The following MMP16 variants were observed in gnomAD, a reference collection of about 807,000 sequenced individuals.
The protein encoded by MMP16 is matrix metalloproteinase-16.
A neutral mutation model predicts 67.8 loss-of-function variants in MMP16; 12 were observed. The observed-to-expected ratio is 0.18, with a 90% confidence interval of 0.11 to 0.29. The LOEUF (loss-of-function observed/expected upper bound fraction) is 0.29. MMP16 is among the 10% of genes least tolerant of loss of function. The pLI, the probability that MMP16 is intolerant of heterozygous loss-of-function variation, is 1.00. For missense variants in MMP16, 475 were observed against 765.7 expected, an observed-to-expected ratio of 0.62 and a Z score of 4.48; for synonymous variants, 249 against 255.9, an observed-to-expected ratio of 0.97 and a Z score of 0.26.
chr8:88,293,865 G>T (rs574989030), intron 1 of MMP16, among the ~76,000 whole-genome samples: 1 of 152,136 alleles, frequency 6.6e-6, no homozygotes, highest in East Asian at 1.9e-4. Context: ...AATCCTATGA[G>T]CCAATGTTTC....
At chr8:88,325,814 T>C (rs1340804844) in intron 1 of MMP16, among the ~76,000 whole-genome samples, 1 of 152,244 alleles carries the variant, frequency 6.6e-6, no homozygotes, top group Non-Finnish European at 1.5e-5. Flanking sequence ...CTCTTACTTT[T>C]TCAAATACTT....
At chr8:88,255,152 C>T (rs898058157) in intron 1 of MMP16, among the ~76,000 whole-genome samples, 2 of 152,158 alleles carry the variant, frequency 1.3e-5, no homozygotes, top group African/African-American at 4.8e-5. Context: ...GGATGGACCC[C>T]TCATGAATGT....
At chr8:88,074,889 T>C in intron 6 of MMP16, 146 bp from the exon 7 acceptor site, 1 of 1,053,756 alleles carries the variant, frequency 9.5e-7, no homozygotes, top group Non-Finnish European at 1.4e-6. Context: ...CTAAACAACT[T>C]GACCGCAATG....
At chr8:88,178,226 A>G (rs1188144813) in intron 3 of MMP16, among the ~76,000 whole-genome samples, 1 of 152,226 alleles carries the variant, frequency 6.6e-6, no homozygotes, top group Admixed American at 6.5e-5. Flanking sequence ...TAAAGCAAGC[A>G]ACAGAACCAG....
chr8:88,237,787 A>ACG (rs1390191921), intron 1 of MMP16, among the ~76,000 whole-genome samples: 1 of 152,236 alleles, frequency 6.6e-6, no homozygotes, highest in Non-Finnish European at 1.5e-5. Context: ...TTTTGTTCTC[A>ACG]AAGACTGAAA....
chr8:88,111,745 A>T (rs1387851022), intron 6 of MMP16, among the ~76,000 whole-genome samples: 4 of 151,748 alleles, frequency 2.6e-5, no homozygotes, highest in Non-Finnish European at 5.9e-5. Context: ...AAAAAAACCA[A>T]TCTGGGGGAT....
At chr8:88,285,547 T>G (rs778564518) in intron 1 of MMP16, among the ~76,000 whole-genome samples, 3 of 152,186 alleles carry the variant, frequency 2.0e-5, no homozygotes, top group Admixed American at 1.3e-4. Flanking sequence ...ACACTCACTA[T>G]AAAAGATGAG....
intron 4 of MMP16, among the ~76,000 whole-genome samples, chr8:88,162,561 T>A (rs558954388): frequency 1.1e-4 from 17 of 152,064 alleles, no homozygotes; most frequent in Non-Finnish European, 2.2e-4. Context: ...CGAGGATAGA[T>A]GAATTTAGAC....
chr8:88,161,460 G>C (rs1163154335), intron 4 of MMP16, among the ~76,000 whole-genome samples: 2 of 151,664 alleles, frequency 1.3e-5, no homozygotes, highest in African/African-American at 4.8e-5. Context: ...TTAGTCTCTT[G>C]CTAGCAGTCT....
intron 1 of MMP16, among the ~76,000 whole-genome samples, chr8:88,206,397 C>T (rs1809427448): frequency 6.6e-6 from 1 of 152,100 alleles, no homozygotes; most frequent in Non-Finnish European, 1.5e-5. Flanking sequence ...ATGTTCTCCC[C>T]ATGTTTGTGT....
intron 6 of MMP16, among the ~76,000 whole-genome samples, chr8:88,100,229 A>G (rs1331104677): frequency 6.6e-6 from 1 of 151,848 alleles, no homozygotes; most frequent in East Asian, 1.9e-4. Flanking sequence ...TAGGTCTAAC[A>G]TTTAAGTCTT....
At position 88,039,721 on chromosome 8, in the gene MMP16, A is replaced by G. The variant is rs1177154663; in HGVS notation, c.*1740T>C. The G allele has an allele frequency of 6.6e-6, 1 of 152,644 alleles. No homozygotes were observed. Among genetic ancestry groups the G allele is most frequent in the Non-Finnish European group, 1.5e-5 (1 of 68,046 alleles). 9.5% of individuals were successfully genotyped at this position (152,644 alleles called of 1,614,324 possible). ...GGTGCATTCATTCTGACCATCTCTA[A>G]TAAGTTCACAGCCCAGTGGCTGTAA... On this transcript the variant is annotated 3_prime_UTR_variant, in exon 10 of 10. Coordinates refer to ENST00000286614, the MANE Select transcript of MMP16 (RefSeq NM_005941.5). The surrounding 1 kb of genome is among the most constrained non-coding windows in gnomAD (Gnocchi z 4.5).
At chr8:88,157,494 T>G (rs1563548792) in intron 4 of MMP16, among the ~76,000 whole-genome samples, 2 of 151,962 alleles carry the variant, frequency 1.3e-5, no homozygotes, top group Non-Finnish European at 2.9e-5. Context: ...TATCAACTGC[T>G]GCCTGGATGT....
chr8:88,069,221 C>T, intron 7 of MMP16: 1 of 302,540 alleles, frequency 3.3e-6, no homozygotes, highest in Non-Finnish European at 6.4e-6. Flanking sequence ...GCTATTTAGG[C>T]CTCTTTACTT....
At chr8:88,086,709 C>T (rs1056941722) in intron 6 of MMP16, among the ~76,000 whole-genome samples, 4 of 151,864 alleles carry the variant, frequency 2.6e-5, no homozygotes, top group African/African-American at 9.7e-5. Flanking sequence ...GCCATTTCTA[C>T]CCAAGGTACA....
chr8:88,322,700 C>G (rs1166835453), intron 1 of MMP16, among the ~76,000 whole-genome samples: 1 of 151,614 alleles, frequency 6.6e-6, no homozygotes, highest in African/African-American at 2.4e-5. Context: ...AAAGAAAAAG[C>G]TGGGTATGGT....
intron 1 of MMP16, among the ~76,000 whole-genome samples, chr8:88,226,227 A>C (rs1377397208): frequency 6.6e-6 from 1 of 151,948 alleles, no homozygotes; most frequent in Non-Finnish European, 1.5e-5. Context: ...TACTTTCTTA[A>C]ATCTGTGTTC....
chr8:88,075,133 C>T (rs1563524359), intron 6 of MMP16, among the ~76,000 whole-genome samples: 1 of 152,204 alleles, frequency 6.6e-6, no homozygotes, highest in East Asian at 1.9e-4. Context: ...AAAATCTCCA[C>T]ACCTACCATG....
At chr8:88,322,353 G>A (rs565423430) in intron 1 of MMP16, among the ~76,000 whole-genome samples, 1 of 152,096 alleles carries the variant, frequency 6.6e-6, no homozygotes, top group South Asian at 2.1e-4. Flanking sequence ...AAAAACCTAC[G>A]GGAAGAAAAT....
Sources: gnomAD v4.1 joint callset for allele counts (sites outside exome capture counted in the v4.1 genomes callset) on GRCh38, gnomAD v4.1.1 for gene constraint, Gnocchi (gnomAD v3.1) non-coding constraint, MANE v1.5 for transcripts, NCBI Gene and HGNC (gene_info 2026-07-23, HGNC 2026-07-21) for gene names.